Variants in GTF3C1 observed in about 807,000 individuals in gnomAD.
GTF3C1 encodes the protein general transcription factor 3C polypeptide 1.
In GTF3C1, 57 loss-of-function variants were observed where a neutral mutation model predicts 226.7. The ratio of observed to expected loss-of-function variants is 0.25; its 90% confidence interval spans 0.20 to 0.31. The LOEUF (loss-of-function observed/expected upper bound fraction) is 0.31. Among genes scored for constraint, GTF3C1 ranks in the 10% least tolerant of loss-of-function variants. The probability of loss-of-function intolerance (pLI) is 1.00; values close to 1 mark genes in which losing one functional copy is unlikely to be tolerated. For missense variants in GTF3C1, 2,217 were observed against 2,776.1 expected (o/e 0.80, Z 4.53); for synonymous variants, 1,090 against 1,084.8 (o/e 1.00, Z -0.09).
chr16:27,545,586 G>T, intron 1 of GTF3C1, 63 bp from the exon 2 acceptor site: 1 of 958,258 alleles, frequency 1.0e-6, no homozygotes. Context: ...GTGCTTGGCT[G>T]TGTTCTTTTG....
rs1453498702 is a variant in GTF3C1, at chr16:27,464,580, C to T, written c.5612G>A (p.Gly1871Glu). The change falls in exon 34 of 37, where the codon GGG becomes GAG. Residue 1871 changes from glycine to glutamate, a missense_variant. Physicochemically the swap from Gly to Glu is moderately conservative, Grantham distance 98. Coordinates refer to ENST00000356183, the MANE Select transcript of GTF3C1 (RefSeq NM_001520.4). ...CTGGGTGCCCTCGGCGTCGGTCTCC[C>T]CATTCTCACTGGCCCAGCTGGCGCG... ...KRRASWASEN[G>E]ETDAEGTQMT... The T allele has an allele frequency of 2.7e-6, 4 of 1,492,940 alleles. No individual in the cohort carries two copies. The highest frequency in any genetic ancestry group is 2.4e-5 in the Admixed American group (1 of 42,064). The allele number at this position is 1,492,940 out of a possible 1,614,324, so 92.5% of individuals were successfully genotyped here.
At chr16:27,488,513 G>C in intron 22 of GTF3C1, 41 bp downstream of exon 22, 1 of 1,574,988 alleles carries the variant, frequency 6.3e-7, no homozygotes, top group South Asian at 1.1e-5. Context: ...CCCTGAACTG[G>C]TACCATATTA....
chr16:27,461,469 C>T lies in GTF3C1; in HGVS notation c.6211G>A (p.Val2071Met). 1.2e-6 allele frequency: 2 copies of T among 1,613,852 alleles called. No individual in the cohort carries two copies. Among genetic ancestry groups the T allele is most frequent in the Non-Finnish European group, 8.5e-7 (1 of 1,179,786 alleles). ...GGGCTCTCGTCCAGGCTGGAGGGCA[C>T]TTCCACCTCTTCCACCACGGGTGTA... ...FSTPVVEEVEVPSSLDESPMA... is the reference protein window; with the variant it reads ...FSTPVVEEVEMPSSLDESPMA... Residue 2071 changes from valine to methionine, a missense_variant, in exon 37 of 37, where the codon GTG becomes ATG. This residue lies in a region of GTF3C1 where 153 missense variants were observed against 199.8 expected (regional missense o/e 0.77). Transcript: ENST00000356183. The surrounding 1 kb of genome is among the most constrained non-coding windows in gnomAD (Gnocchi z 5.3).
chr16:27,502,325 G>A (rs948829883), intron 11 of GTF3C1, among the ~76,000 whole-genome samples: 2 of 152,026 alleles, frequency 1.3e-5, no homozygotes, highest in Non-Finnish European at 1.5e-5. Flanking sequence ...CCTCAGAAGC[G>A]TTGAAGATGC....
Position 27,463,292 on chromosome 16 carries a change from C to T in GTF3C1, c.5924+249G>A. ...GCTGACAGCACCAGGCATGGTTCTCCACCAGCGCCCTGGGCATTCTGGAAG... is the reference window on the plus strand; with the variant it reads ...GCTGACAGCACCAGGCATGGTTCTCTACCAGCGCCCTGGGCATTCTGGAAG... On this transcript the variant is annotated intron_variant, in intron 35 of 36. Coordinates refer to ENST00000356183, the MANE Select transcript of GTF3C1 (RefSeq NM_001520.4). The surrounding 1 kb of genome is among the most constrained non-coding windows in gnomAD (Gnocchi z 4.9). 1 of 535,958 alleles carries T rather than the reference C, an allele frequency of 1.9e-6. No individual in the cohort carries two copies. The highest frequency in any genetic ancestry group is 3.3e-6 in the Non-Finnish European group (1 of 303,768). The allele number at this position is 535,958 out of a possible 1,614,324, so 33.2% of individuals were successfully genotyped here.
At chr16:27,464,021 C>A in intron 34 of GTF3C1, 1 of 437,858 alleles carries the variant, frequency 2.3e-6, no homozygotes. Context: ...GTTGAGACCC[C>A]CATGCCATCA....
chr16:27,465,980 T>C (rs1441060806), intron 32 of GTF3C1: 1 of 179,310 alleles, frequency 5.6e-6, no homozygotes, highest in Non-Finnish European at 1.2e-5. Context: ...ACCCTACTTT[T>C]GCCTACACTA....
chr16:27,489,830 G>A, intron 19 of GTF3C1, 87 bp from the exon 20 acceptor site: 1 of 1,374,838 alleles, frequency 7.3e-7, no homozygotes, highest in Non-Finnish European at 1.0e-6. Context: ...GGGAAGAAGA[G>A]TGGATTCCCT....
chr16:27,503,807 T>G (rs2088443457), intron 10 of GTF3C1, among the ~76,000 whole-genome samples: 1 of 152,164 alleles, frequency 6.6e-6, no homozygotes, highest in African/African-American at 2.4e-5. Context: ...CAATGCCTTA[T>G]GGTAGCCCCA....
chr16:27,480,379 A>G (rs1391375521), intron 27 of GTF3C1, among the ~76,000 whole-genome samples: 1 of 152,192 alleles, frequency 6.6e-6, no homozygotes, highest in Non-Finnish European at 1.5e-5. Flanking sequence ...AAAGGATATC[A>G]ACTCTGAAAA....
chr16:27,483,145 A>C lies in GTF3C1; in HGVS notation c.4002-20T>G. The C allele has an allele frequency of 6.2e-7, 1 of 1,611,070 alleles. No individual in the cohort carries two copies. The highest frequency in any genetic ancestry group is 8.5e-7 in the Non-Finnish European group (1 of 1,177,296). On this transcript the variant is annotated intron_variant, in intron 25 of 36. Transcript: ENST00000356183. ...CACACTCTGCAGGAAGAGGAGACAA[A>C]GCTGAAGTCTGGGAATTGCAATGAT...
rs994836666 is a variant in GTF3C1, at chr16:27,471,358, T to C, written c.4526+390A>G. Among the ~76,000 whole-genome samples the C allele has an allele frequency of 6.6e-5, 10 of 152,106 alleles. No individual in the cohort carries two copies. The highest frequency in any genetic ancestry group is 2.4e-4 in the African/African-American group (10 of 41,412). ...CCGCACCCCAATCCTGCACTGGCTG[T>C]TGGTGCTGCGAATGGGCCCAGGAGG... On this transcript the variant is annotated intron_variant, in intron 30 of 36. Transcript: ENST00000356183. This position sits in a 1 kb window ranked among gnomAD's most constrained non-coding sequence, Gnocchi z 5.0.
intron 29 of GTF3C1, among the ~76,000 whole-genome samples, chr16:27,473,925 T>C (rs1389663217): frequency 1.3e-5 from 2 of 152,232 alleles, no homozygotes; most frequent in African/African-American, 4.8e-5. Context: ...CTTCTGTGAC[T>C]TTGCTCTTCT....
At chr16:27,506,800 C>G in intron 9 of GTF3C1, 47 bp downstream of exon 9, 1 of 1,416,896 alleles carries the variant, frequency 7.1e-7, no homozygotes, top group Non-Finnish European at 9.6e-7. Flanking sequence ...TGCAGGTGCC[C>G]AGCAGTGCAG....
rs2087711506 is a variant in GTF3C1 at position 27,461,948 on chromosome 16, C to A, written c.6117+346G>T. On this transcript the variant is annotated intron_variant, in intron 36 of 36. Transcript: ENST00000356183. This position sits in a 1 kb window ranked among gnomAD's most constrained non-coding sequence, Gnocchi z 5.3. ...CCTAGCTGCCAGAGGAGCTGGAGGCCCCAGGCACACATGGGAGTCAGCCAA... is the reference window on the plus strand; with the variant it reads ...CCTAGCTGCCAGAGGAGCTGGAGGCACCAGGCACACATGGGAGTCAGCCAA... 2 of 384,458 alleles carry A rather than the reference C, an allele frequency of 5.2e-6. No individual in the cohort carries two copies. Among genetic ancestry groups the A allele is most frequent in the South Asian group, 1.0e-4 (2 of 20,086 alleles). The allele number at this position is 384,458 out of a possible 1,614,324, so 23.8% of individuals were successfully genotyped here.
At position 27,489,761 on chromosome 16, in the gene GTF3C1, A is replaced by G. The variant is rs1384144154; in HGVS notation, c.3152-18T>C. Reference sequence around the variant, plus strand: ...CACCACGCCTGGAAAACCAAACATCAGGGTGACCAATCACGCCTTCCTGCT... The same window carrying G: ...CACCACGCCTGGAAAACCAAACATCGGGGTGACCAATCACGCCTTCCTGCT... On this transcript the variant is annotated intron_variant, in intron 19 of 36. Transcript: ENST00000356183. 2.5e-6 allele frequency: 4 copies of G among 1,606,142 alleles called. 1 individual carries two copies. The South Asian group carries it at 4.4e-5, about 18-fold the overall frequency.
intron 19 of GTF3C1, 29 bp from the exon 20 acceptor site, chr16:27,489,772 T>A: frequency 1.9e-6 from 3 of 1,601,506 alleles, no homozygotes; most frequent in Non-Finnish European, 2.6e-6. Context: ...GGGTGACCAA[T>A]CACGCCTTCC....
At position 27,505,922 on chromosome 16, in the gene GTF3C1, C is replaced by G; in HGVS notation, c.1747G>C (p.Glu583Gln). The G allele has an allele frequency of 1.2e-6, 2 of 1,611,052 alleles. No homozygotes were observed. Among genetic ancestry groups the G allele is most frequent in the Non-Finnish European group, 1.7e-6 (2 of 1,177,174 alleles). ...SNSGDIAVIE[E>Q]VRMENPKESS... Reference sequence around the variant, plus strand: ...ACCTTTGGGTTTTCCATCCGGACCTCCTCGATCACAGCTATGTCACCACTG... The same window carrying G: ...ACCTTTGGGTTTTCCATCCGGACCTGCTCGATCACAGCTATGTCACCACTG... The change falls in exon 10 of 37, where the codon GAG (glutamate) becomes CAG (glutamine). Residue 583 changes from glutamate (E) to glutamine (Q), a missense_variant. By Grantham distance (29) the Glu-to-Gln change is conservative (BLOSUM62 2). Transcript: ENST00000356183.
intron 27 of GTF3C1, among the ~76,000 whole-genome samples, chr16:27,480,287 T>C (rs1461917655): frequency 1.3e-5 from 2 of 151,562 alleles, no homozygotes; most frequent in East Asian, 1.9e-4. Flanking sequence ...AAACAGGCCA[T>C]TGGATTGACT....
Sources: allele counts gnomAD v4.1 joint callset (sites outside exome capture counted in the v4.1 genomes callset), GRCh38; gene constraint gnomAD v4.1.1; regional missense constraint gnomAD v4.1.1; non-coding constraint Gnocchi (gnomAD v3.1); transcripts MANE v1.5; gene names NCBI Gene and HGNC (gene_info 2026-07-23, HGNC 2026-07-21).